CACNG1: variants seen among roughly 807,000 people sequenced by gnomAD.
CACNG1 encodes voltage-dependent calcium channel gamma-1 subunit.
CACNG1 carries 21 observed loss-of-function variants against 22.0 expected under a neutral mutation model. The observed-to-expected ratio is 0.95, with a 90% CI of 0.68 to 1.37. CACNG1 has a LOEUF of 1.37. Ranked by LOEUF, CACNG1 falls within the 40% of genes most tolerant of loss-of-function variation. The probability of loss-of-function intolerance (pLI) is 0.00; values close to 1 mark genes in which losing one functional copy is unlikely to be tolerated. For synonymous variants in CACNG1, 127 were observed against 129.2 expected, an observed-to-expected ratio of 0.98 and a Z score of 0.12; for missense variants, 291 against 308.6, an observed-to-expected ratio of 0.94 and a Z score of 0.43.
intron 1 of CACNG1, among the ~76,000 whole-genome samples, chr17:67,047,832 G>A (rs2035705907): frequency 1.3e-5 from 2 of 152,052 alleles, no homozygotes; most frequent in African/African-American, 4.8e-5. Flanking sequence ...AATGCTATAT[G>A]CATGCTCAGG....
intron 1 of CACNG1, among the ~76,000 whole-genome samples, chr17:67,052,340 G>A (rs374473100): frequency 6.6e-6 from 1 of 152,328 alleles, no homozygotes; most frequent in Middle Eastern, 3.4e-3. Context: ...GGGGTCATTT[G>A]CTTCCTCAAC....
chr17:67,049,389 T>A (rs2035715185), intron 1 of CACNG1, among the ~76,000 whole-genome samples: 1 of 152,054 alleles, frequency 6.6e-6, no homozygotes, highest in Admixed American at 6.6e-5. Flanking sequence ...GTAACACAGG[T>A]GATGAGCAGA....
chr17:67,046,450 C>A (rs138563511), intron 1 of CACNG1, among the ~76,000 whole-genome samples: 1 of 152,256 alleles, frequency 6.6e-6, no homozygotes, highest in East Asian at 1.9e-4. Context: ...CTCCTGCTTG[C>A]TCCAGAGATC....
At chr17:67,045,468 T>C (rs2035691052) in intron 1 of CACNG1, among the ~76,000 whole-genome samples, 1 of 151,538 alleles carries the variant, frequency 6.6e-6, no homozygotes, top group Non-Finnish European at 1.5e-5. Context: ...ACAGGTTGAA[T>C]GTCTGTGAAG....
intron 1 of CACNG1, among the ~76,000 whole-genome samples, chr17:67,053,690 G>A (rs1003360737): frequency 2.6e-5 from 4 of 152,222 alleles, no homozygotes; most frequent in African/African-American, 9.6e-5. Flanking sequence ...AAAATGGCTT[G>A]AGCCTGGGCC....
In CACNG1 at chr17:67,055,278, G is replaced by A. The variant is rs755800128; in HGVS notation, c.442+38G>A. On this transcript the variant is annotated intron_variant, in intron 3 of 3. Transcript: ENST00000226021. The surrounding 1 kb of genome is among the most constrained non-coding windows in gnomAD (Gnocchi z 4.5). Reference sequence around the variant, plus strand: ...ATCTGCCTGAGCGCCGGGGCCGGGGGACCATGTCGCGGGGGATTCTCCGCT... The same window carrying A: ...ATCTGCCTGAGCGCCGGGGCCGGGGAACCATGTCGCGGGGGATTCTCCGCT... The A allele has an allele frequency of 3.1e-6, 5 of 1,595,104 alleles. No individual in the cohort carries two copies. Among genetic ancestry groups the A allele is most frequent in the East Asian group, 2.2e-5 (1 of 44,524 alleles).
At position 67,044,652 on chromosome 17, in the gene CACNG1, G is replaced by A; in HGVS notation, c.-9G>A. Reference sequence around the variant, plus strand: ...CCCTGCCCAGGGCACCCACGCCTCGGCGACCACCATGTCCCAGACCAAAAT... The same window carrying A: ...CCCTGCCCAGGGCACCCACGCCTCGACGACCACCATGTCCCAGACCAAAAT... On this transcript the variant is annotated 5_prime_UTR_variant, in exon 1 of 4. Transcript: ENST00000226021. This position sits in a 1 kb window ranked among gnomAD's most constrained non-coding sequence, Gnocchi z 6.9. 1 of 1,593,900 alleles carries A rather than the reference G, an allele frequency of 6.3e-7. No individual in the cohort carries two copies.
Position 67,056,071 on chromosome 17 carries a change from G to T in CACNG1, c.469G>T (p.Val157Phe). 1 of 1,612,592 alleles carries T rather than the reference G, an allele frequency of 6.2e-7. No individual in the cohort carries two copies. The change falls in exon 4 of 4, where the codon GTC becomes TTC. Residue 157 changes from valine (V) to phenylalanine (F), a missense_variant. Val to Phe is a conservative substitution (Grantham distance 50). Transcript: ENST00000226021. The surrounding 1 kb of genome is among the most constrained non-coding windows in gnomAD (Gnocchi z 4.3). ...TCTCTGCATCCTCGTCTCGGTGGAG[G>T]TCATGCGGCAGTCGGTGAAGCGCAT... Reference protein sequence around the residue: ...AGLCILVSVEVMRQSVKRMID... With the variant: ...AGLCILVSVEFMRQSVKRMID...
In CACNG1 at chr17:67,054,553, C is replaced by T. The variant is rs1043954998; in HGVS notation, c.304+483C>T. On this transcript the variant is annotated intron_variant, in intron 2 of 3. Coordinates refer to ENST00000226021, the MANE Select transcript of CACNG1 (RefSeq NM_000727.4). This position sits in a 1 kb window ranked among gnomAD's most constrained non-coding sequence, Gnocchi z 4.6. ...ACACCCATTGTCGGGAGTACAGACC[C>T]GTGCCTGCCTGCGCCCAGACAGCTG... Among the ~76,000 whole-genome samples the T allele has an allele frequency of 5.9e-5, 9 of 152,116 alleles. No homozygotes were observed. Among genetic ancestry groups the T allele is most frequent in the Admixed American group, 2.0e-4 (3 of 15,272 alleles).
rs746272550 is a variant in CACNG1, at chr17:67,055,253, A to T, written c.442+13A>T. 2 of 1,608,038 alleles carry T rather than the reference A, an allele frequency of 1.2e-6. No homozygotes were observed. Among genetic ancestry groups the T allele is most frequent in the East Asian group, 4.5e-5 (2 of 44,690 alleles). Reference sequence around the variant, plus strand: ...TATGCCTTTGCAGGTAGACTGGGGGATCTGCCTGAGCGCCGGGGCCGGGGG... The same window carrying T: ...TATGCCTTTGCAGGTAGACTGGGGGTTCTGCCTGAGCGCCGGGGCCGGGGG... On this transcript the variant is annotated intron_variant, in intron 3 of 3. Transcript: ENST00000226021. This position sits in a 1 kb window ranked among gnomAD's most constrained non-coding sequence, Gnocchi z 4.5.
At chr17:67,053,028 T>C (rs1696201914) in intron 1 of CACNG1, among the ~76,000 whole-genome samples, 1 of 152,216 alleles carries the variant, frequency 6.6e-6, no homozygotes, top group Non-Finnish European at 1.5e-5. Context: ...TCAGCATGAA[T>C]TTCCTTGTGC....
At position 67,054,673 on chromosome 17, in the gene CACNG1, C is replaced by T. The variant is rs1463525018; in HGVS notation, c.305-430C>T. On this transcript the variant is annotated intron_variant, in intron 2 of 3. Transcript: ENST00000226021. The surrounding 1 kb of genome is among the most constrained non-coding windows in gnomAD (Gnocchi z 4.6). The stretch of plus-strand genomic sequence containing the variant: ...ACACACGACACACACAAGACACAGA[C>T]GCACAGAGACACTGACACACACGCA... Among the ~76,000 whole-genome samples the T allele has an allele frequency of 1.4e-5, 2 of 146,728 alleles. No individual in the cohort carries two copies. The highest frequency in any genetic ancestry group is 3.0e-5 in the Non-Finnish European group (2 of 66,648).
chr17:67,055,779 A>G lies in CACNG1; in HGVS notation c.443-266A>G, dbSNP rs1383673098. On this transcript the variant is annotated intron_variant, in intron 3 of 3. Coordinates refer to ENST00000226021, the MANE Select transcript of CACNG1 (RefSeq NM_000727.4). This position sits in a 1 kb window ranked among gnomAD's most constrained non-coding sequence, Gnocchi z 4.5. ...GGTCTCAAACTCCTGGCCTCAAGCGATCCTCCTGCCTCAGCCTCCCAAAGT... is the reference window on the plus strand; with the variant it reads ...GGTCTCAAACTCCTGGCCTCAAGCGGTCCTCCTGCCTCAGCCTCCCAAAGT... 6.6e-6 allele frequency among the ~76,000 whole-genome samples: 1 copy of G among 151,888 alleles called. No homozygotes were observed. Among genetic ancestry groups the G allele is most frequent in the Admixed American group, 6.6e-5 (1 of 15,256 alleles).
At chr17:67,048,301 TC>T (rs1207835929) in intron 1 of CACNG1, among the ~76,000 whole-genome samples, 1 of 102,310 alleles carries the variant, frequency 9.8e-6, no homozygotes, top group Non-Finnish European at 1.9e-5. Flanking sequence ...CAAGACCCTG[TC>T]CCTACCAAAA....
In CACNG1 at chr17:67,054,785, CACAG is replaced by C. The variant is rs1444958019; in HGVS notation, c.305-314_305-311del. ...ACACAAAATGACACACAGTGACACA[CACAG>C]ACACACACTGACACACACGTACAAT... On this transcript the variant is annotated intron_variant, in intron 2 of 3. Coordinates refer to ENST00000226021, the MANE Select transcript of CACNG1 (RefSeq NM_000727.4). This position sits in a 1 kb window ranked among gnomAD's most constrained non-coding sequence, Gnocchi z 4.6. Among the ~76,000 whole-genome samples, 46 of 151,590 alleles carry C rather than the reference CACAG, an allele frequency of 3.0e-4. No individual in the cohort carries two copies. Among genetic ancestry groups the C allele is most frequent in the Admixed American group, 3.9e-4 (6 of 15,254 alleles).
intron 1 of CACNG1, among the ~76,000 whole-genome samples, chr17:67,045,879 C>T (rs183030902): frequency 2.0e-5 from 3 of 152,298 alleles, no homozygotes; most frequent in Non-Finnish European, 4.4e-5. Context: ...TTAGCTCAGA[C>T]CCTGTCAGAG....
Position 67,055,764 on chromosome 17 carries a change from T to A in CACNG1, c.443-281T>A, listed in dbSNP as rs1402379055. Among the ~76,000 whole-genome samples the A allele has an allele frequency of 1.3e-5, 2 of 152,058 alleles. No individual in the cohort carries two copies. The highest frequency in any genetic ancestry group is 4.8e-5 in the African/African-American group (2 of 41,396). Reference sequence around the variant, plus strand: ...CTATGTTGCCAGGCTGGTCTCAAACTCCTGGCCTCAAGCGATCCTCCTGCC... The same window carrying A: ...CTATGTTGCCAGGCTGGTCTCAAACACCTGGCCTCAAGCGATCCTCCTGCC... On this transcript the variant is annotated intron_variant, in intron 3 of 3. Transcript: ENST00000226021. The surrounding 1 kb of genome is among the most constrained non-coding windows in gnomAD (Gnocchi z 4.5).
intron 1 of CACNG1, among the ~76,000 whole-genome samples, chr17:67,050,343 G>A (rs530578075): frequency 6.6e-6 from 1 of 152,262 alleles, no homozygotes. Context: ...AAGCTCTAGG[G>A]TCAGGTCTTG....
In CACNG1 at chr17:67,055,048, C is replaced by T; in HGVS notation, c.305-55C>T. 4.4e-6 allele frequency: 7 copies of T among 1,574,698 alleles called. No homozygotes were observed. Among genetic ancestry groups the T allele is most frequent in the Non-Finnish European group, 6.1e-6 (7 of 1,154,800 alleles). ...GTGCATGGTGTGGTCCCTAACGAGC[C>T]ATGACAAGAGCTCCCATGCTGAGGC... On this transcript the variant is annotated intron_variant, in intron 2 of 3. Transcript: ENST00000226021. This position sits in a 1 kb window ranked among gnomAD's most constrained non-coding sequence, Gnocchi z 4.5.
Sources: allele counts gnomAD v4.1 joint callset (sites outside exome capture counted in the v4.1 genomes callset), GRCh38; gene constraint gnomAD v4.1.1; non-coding constraint Gnocchi (gnomAD v3.1); transcripts MANE v1.5; gene names NCBI Gene and HGNC (gene_info 2026-07-23, HGNC 2026-07-21).